The following NOS1AP variants were observed in gnomAD, a reference collection of about 807,000 sequenced individuals.
The protein encoded by NOS1AP is nitric oxide synthase 1 adaptor protein.
A neutral mutation model predicts 56.2 loss-of-function variants in NOS1AP; 21 were observed. That is an observed-to-expected ratio of 0.37 (90% CI 0.26 to 0.54). The LOEUF (loss-of-function observed/expected upper bound fraction) is 0.54, where lower values mean the gene tolerates loss of function less well. Ranked by LOEUF, NOS1AP falls within the 20% of genes least tolerant of loss-of-function variation. NOS1AP has a pLI of 0.84. For synonymous variants in NOS1AP, 270 were observed against 274.6 expected, an observed-to-expected ratio of 0.98 and a Z score of 0.17; for missense variants, 522 against 657.8, an observed-to-expected ratio of 0.79 and a Z score of 2.26.
chr1:162,313,148 C>T (rs191326250), intron 4 of NOS1AP, among the ~76,000 whole-genome samples: 41 of 152,284 alleles, frequency 2.7e-4, no homozygotes, highest in Middle Eastern at 3.4e-3. Context: ...ATGTAGAAAG[C>T]GCTTGGAATG....
chr1:162,196,096 A>T (rs1651797090), intron 2 of NOS1AP, among the ~76,000 whole-genome samples: 3 of 152,240 alleles, frequency 2.0e-5, no homozygotes, highest in Admixed American at 2.0e-4. Context: ...AACAGTTACC[A>T]GTGCCTCAGT....
At chr1:162,090,634 T>G (rs1330383087) in intron 1 of NOS1AP, among the ~76,000 whole-genome samples, 1 of 152,094 alleles carries the variant, frequency 6.6e-6, no homozygotes, top group Admixed American at 6.5e-5. Context: ...TTCCTATTAT[T>G]TCTTTTTAAT....
At chr1:162,218,762 C>T (rs191324912) in intron 2 of NOS1AP, among the ~76,000 whole-genome samples, 6 of 152,062 alleles carry the variant, frequency 3.9e-5, no homozygotes, top group African/African-American at 1.4e-4. Flanking sequence ...GCACCCTGTC[C>T]CTTCCAGCCC....
intron 4 of NOS1AP, among the ~76,000 whole-genome samples, chr1:162,320,998 G>A (rs368521540): frequency 1.3e-5 from 2 of 152,108 alleles, no homozygotes; most frequent in South Asian, 2.1e-4. Flanking sequence ...CCTTTAAAAA[G>A]CAGCAACATG....
intron 6 of NOS1AP, among the ~76,000 whole-genome samples, chr1:162,350,231 C>T (rs1234977089): frequency 6.6e-6 from 1 of 152,198 alleles, no homozygotes; most frequent in Non-Finnish European, 1.5e-5. Context: ...GCAGAAAAAA[C>T]ATGTTTACTC....
chr1:162,326,295 T>C (rs1251210795), intron 4 of NOS1AP, among the ~76,000 whole-genome samples: 1 of 152,088 alleles, frequency 6.6e-6, no homozygotes, highest in Non-Finnish European at 1.5e-5. Flanking sequence ...CAGGAAACCT[T>C]GCAGGTGACT....
intron 2 of NOS1AP, among the ~76,000 whole-genome samples, chr1:162,249,687 T>C (rs1019951998): frequency 6.6e-6 from 1 of 152,192 alleles, no homozygotes; most frequent in Non-Finnish European, 1.5e-5. Context: ...GCATAGGGTA[T>C]TGAAATTTGG....
intron 4 of NOS1AP, among the ~76,000 whole-genome samples, chr1:162,301,343 G>A (rs1160283034): frequency 1.3e-5 from 2 of 152,152 alleles, no homozygotes; most frequent in Non-Finnish European, 2.9e-5. Context: ...TAGCCCCATG[G>A]TGATGTCCTT....
intron 5 of NOS1AP, 147 bp downstream of exon 5, chr1:162,333,272 T>C (rs1557881912): frequency 5.8e-6 from 4 of 694,256 alleles, no homozygotes; most frequent in Non-Finnish European, 7.9e-6. Context: ...TCCTATATAA[T>C]GGAATTCTCT....
At position 162,103,642 on chromosome 1, in the gene NOS1AP, A is replaced by T. The variant is rs1047461865; in HGVS notation, c.105+33360A>T. On this transcript the variant is annotated intron_variant, in intron 1 of 9. Coordinates refer to ENST00000361897, the MANE Select transcript of NOS1AP (RefSeq NM_014697.3). ...TGTATTGGGTGCATATATATTTAGG[A>T]TAGTTATCCCTTGTTGAATTGAACC... is the stretch of plus-strand genomic sequence containing the variant. Among the ~76,000 whole-genome samples the T allele has an allele frequency of 2.6e-4, 39 of 152,090 alleles. 1 individual carries two copies. Among genetic ancestry groups the T allele is most frequent in the Admixed American group, 1.3e-4 (2 of 15,262 alleles).
chr1:162,078,126 G>T (rs1215843173), intron 1 of NOS1AP, among the ~76,000 whole-genome samples: 1 of 152,000 alleles, frequency 6.6e-6, no homozygotes, highest in Non-Finnish European at 1.5e-5. Flanking sequence ...CCTCTACTGT[G>T]AGTGCTCCAT....
intron 1 of NOS1AP, among the ~76,000 whole-genome samples, chr1:162,110,018 A>G (rs562884142): frequency 6.6e-6 from 1 of 152,206 alleles, no homozygotes; most frequent in South Asian, 2.1e-4. Context: ...ATGCTCAAGC[A>G]CCCTTTGAAA....
At chr1:162,239,123 T>C (rs1214558015) in intron 2 of NOS1AP, among the ~76,000 whole-genome samples, 2 of 152,258 alleles carry the variant, frequency 1.3e-5, no homozygotes, top group Non-Finnish European at 2.9e-5. Flanking sequence ...ACATCTGTTT[T>C]GAGTAATAGA....
intron 1 of NOS1AP, among the ~76,000 whole-genome samples, chr1:162,141,016 C>G (rs1252268172): frequency 1.3e-5 from 2 of 152,044 alleles, no homozygotes; most frequent in Non-Finnish European, 2.9e-5. Flanking sequence ...AGTTATTAAG[C>G]CTTTGTCGGA....
intron 2 of NOS1AP, among the ~76,000 whole-genome samples, chr1:162,268,820 A>AAAATTAG (rs1410403753): frequency 3.9e-5 from 6 of 152,136 alleles, no homozygotes; most frequent in African/African-American, 1.4e-4. Context: ...AAGAAAACAA[A>AAAATTAG]AAATTAGAAT....
intron 5 of NOS1AP, among the ~76,000 whole-genome samples, chr1:162,334,998 C>T (rs1217116917): frequency 1.3e-5 from 2 of 150,118 alleles, no homozygotes; most frequent in African/African-American, 2.4e-5. Context: ...GCAATACGGA[C>T]GCAGTGGGGG....
chr1:162,221,312 C>A (rs575479334), intron 2 of NOS1AP, among the ~76,000 whole-genome samples: 1 of 152,168 alleles, frequency 6.6e-6, no homozygotes, highest in Admixed American at 6.5e-5. Context: ...CTCAGGAATT[C>A]GCATTGAAGG....
chr1:162,355,168 TC>T lies in NOS1AP; in HGVS notation c.596-15del, dbSNP rs1413202572. On this transcript the variant is annotated intron_variant, in intron 6 of 9. Transcript: ENST00000361897. ...CGGTGTTTTCATTCTCTTCCCTCCC[TC>T]CCCTGTTGTTCCTGCAGGCCGCCAG... is the stretch of plus-strand genomic sequence containing the variant. 1 of 1,613,558 alleles carries T rather than the reference TC, an allele frequency of 6.2e-7. No homozygotes were observed. Among genetic ancestry groups the T allele is most frequent in the South Asian group, 1.1e-5 (1 of 91,032 alleles).
intron 1 of NOS1AP, among the ~76,000 whole-genome samples, chr1:162,095,591 G>A (rs1490237527): frequency 6.6e-6 from 1 of 152,298 alleles, no homozygotes; most frequent in South Asian, 2.1e-4. Context: ...ATGTTAAATT[G>A]TCTTTTCTAC....
Sources: allele counts gnomAD v4.1 joint callset (sites outside exome capture counted in the v4.1 genomes callset), GRCh38; gene constraint gnomAD v4.1.1; transcripts MANE v1.5; gene names NCBI Gene and HGNC (gene_info 2026-07-23, HGNC 2026-07-21).